The following RPP30 variants were observed in gnomAD, a reference collection of about 807,000 sequenced individuals.
RPP30 encodes the protein ribonuclease P protein subunit p30.
Under a neutral mutation model 38.6 loss-of-function variants are expected in RPP30, and 36 were observed. The observed-to-expected ratio is 0.93, with a 90% CI of 0.71 to 1.23. The LOEUF is 1.23. Among genes scored for constraint, RPP30 ranks in the 50% most tolerant of loss-of-function variants. RPP30 has a pLI of 0.00. For synonymous variants in RPP30, 126 were observed against 112.7 expected (o/e 1.12, Z -0.75); for missense variants, 321 against 321.7 (o/e 1.00, Z 0.02).
At chr10:90,878,861 A>G (rs1013208223) in intron 4 of RPP30, among the ~76,000 whole-genome samples, 1 of 152,234 alleles carries the variant, frequency 6.6e-6, no homozygotes, top group African/African-American at 2.4e-5. Context: ...GTAGGAAGGA[A>G]GGAGAATGAT....
At chr10:90,905,807 G>A (rs1487428538), downstream of RPP30, 1 of 152,190 alleles carries the variant, frequency 6.6e-6, no homozygotes, top group African/African-American at 2.4e-5. Context: ...TTATACTTTT[G>A]ATGTCAATTT....
At chr10:90,894,204 G>C (rs749970890) in intron 6 of RPP30, among the ~76,000 whole-genome samples, 45 of 152,200 alleles carry the variant, frequency 3.0e-4, no homozygotes, top group Non-Finnish European at 6.2e-4. Flanking sequence ...AGGTATTGTA[G>C]TAAGGATTAA....
intron 6 of RPP30, among the ~76,000 whole-genome samples, chr10:90,886,680 CA>C (rs1847004189): frequency 6.6e-6 from 1 of 152,164 alleles, no homozygotes; most frequent in African/African-American, 2.4e-5. Context: ...TAGTGGCTTC[CA>C]AAACCCTAGT....
downstream of RPP30, among the ~76,000 whole-genome samples, chr10:90,902,640 A>AT (rs1847216925): frequency 6.6e-6 from 1 of 152,222 alleles, no homozygotes; most frequent in African/African-American, 2.4e-5. Context: ...TCCACTCCTG[A>AT]TTTTTAAAAT....
intron 10 of RPP30, among the ~76,000 whole-genome samples, chr10:90,897,896 G>A (rs1221896546): frequency 6.6e-6 from 1 of 152,072 alleles, no homozygotes; most frequent in African/African-American, 2.4e-5. Context: ...GGAAAATGGG[G>A]TGTCCATCCC....
chr10:90,873,912 T>TA (rs2120178414), intron 1 of RPP30, among the ~76,000 whole-genome samples: 1 of 152,246 alleles, frequency 6.6e-6, no homozygotes, highest in East Asian at 1.9e-4. Context: ...TCCTTACTTA[T>TA]AAAAAACATG....
Position 90,900,593 on chromosome 10 carries a change from A to G in RPP30, c.721A>G (p.Ile241Val), listed in dbSNP as rs1847188486. ...HGETRKTAFG[I>V]ISTVKKPRPS... Reference sequence around the variant, plus strand: ...AGAAACTAGAAAAACTGCTTTTGGAATTATCTCTACAGTGAAGAAACCTCG... The same window carrying G: ...AGAAACTAGAAAAACTGCTTTTGGAGTTATCTCTACAGTGAAGAAACCTCG... The change falls in exon 11 of 11, where the codon ATT becomes GTT. Residue 241 changes from isoleucine (I) to valine (V), a missense_variant. By Grantham distance (29) the Ile-to-Val change is conservative. Transcript: ENST00000371703. The G allele has an allele frequency of 6.2e-7, 1 of 1,611,704 alleles. No individual in the cohort carries two copies. Among genetic ancestry groups the G allele is most frequent in the Non-Finnish European group, 8.5e-7 (1 of 1,179,274 alleles).
chr10:90,875,506 C>G, intron 2 of RPP30, 52 bp from the exon 3 acceptor site: 1 of 1,405,690 alleles, frequency 7.1e-7, no homozygotes, highest in African/African-American at 1.4e-5. Flanking sequence ...TCCATTATGC[C>G]TTGTGCTATT....
At chr10:90,893,402 C>T (rs1285972513) in intron 6 of RPP30, among the ~76,000 whole-genome samples, 1 of 152,150 alleles carries the variant, frequency 6.6e-6, no homozygotes, top group Non-Finnish European at 1.5e-5. Context: ...AGACTTGGAC[C>T]ATACTGCCTA....
intron 5 of RPP30, among the ~76,000 whole-genome samples, 171 bp from the exon 6 acceptor site, chr10:90,885,641 C>G (rs1172769804): frequency 1.3e-5 from 2 of 152,066 alleles, no homozygotes; most frequent in South Asian, 4.1e-4. Context: ...TAAACCAAAC[C>G]TAAAAGAGTA....
At chr10:90,878,982 TAA>T (rs766093849) in intron 4 of RPP30, 79 bp from the exon 5 acceptor site, 42 of 1,150,862 alleles carry the variant, frequency 3.6e-5, no homozygotes, top group Admixed American at 1.3e-4. Context: ...GATTGAAATA[TAA>T]GTGTGAGTCA....
chr10:90,872,003 A>G lies in RPP30; in HGVS notation c.17A>G (p.Asp6Gly). 6.2e-7 allele frequency: 1 copy of G among 1,613,996 alleles called. No individual in the cohort carries two copies. Among genetic ancestry groups the G allele is most frequent in the Middle Eastern group, 1.6e-4 (1 of 6,062 alleles). ...GACTTCAGCATGGCGGTGTTTGCAG[A>G]TTTGGACCTGCGAGCGGGTTCTGAC... MAVFA[D>G]LDLRAGSDLK... Residue 6 changes from aspartate (D) to glycine (G), a missense_variant, in exon 1 of 11, where the codon GAT (aspartate) becomes GGT (glycine). Coordinates refer to ENST00000371703, the MANE Select transcript of RPP30 (RefSeq NM_006413.5).
downstream of RPP30, among the ~76,000 whole-genome samples, chr10:90,907,313 C>T (rs1344852299): frequency 6.6e-6 from 1 of 152,162 alleles, no homozygotes; most frequent in African/African-American, 2.4e-5. Flanking sequence ...AAACTTAAGC[C>T]AGGACCCCTG....
At chr10:90,884,615 G>A (rs12766523) in intron 5 of RPP30, among the ~76,000 whole-genome samples, 31,592 of 152,088 alleles carry the variant, frequency 0.21, 4,125 homozygotes, top group African/African-American at 0.36. Flanking sequence ...TTGCTTCCCA[G>A]GCTTACTAAG....
At chr10:90,888,010 C>T (rs1479290497) in intron 6 of RPP30, among the ~76,000 whole-genome samples, 2 of 152,276 alleles carry the variant, frequency 1.3e-5, no homozygotes, top group Non-Finnish European at 2.9e-5. Flanking sequence ...TTATGGCAGT[C>T]TTGTTGGCCT....
chr10:90,884,013 T>G (rs1846966369), intron 5 of RPP30, among the ~76,000 whole-genome samples: 1 of 152,176 alleles, frequency 6.6e-6, no homozygotes, highest in African/African-American at 2.4e-5. Flanking sequence ...TTACAGTTTC[T>G]TAGAGGTTGT....
chr10:90,891,265 C>T (rs1847078588), intron 6 of RPP30, among the ~76,000 whole-genome samples: 1 of 152,086 alleles, frequency 6.6e-6, no homozygotes, highest in Admixed American at 6.6e-5. Flanking sequence ...TTTGGTAATC[C>T]TGGGCTTGCA....
At chr10:90,896,496 A>T (rs1847140546) in intron 10 of RPP30, 104 bp downstream of exon 10, 1 of 851,960 alleles carries the variant, frequency 1.2e-6, no homozygotes, top group African/African-American at 1.7e-5. Flanking sequence ...TTCCTTTGGG[A>T]TCATCTTTTC....
chr10:90,881,034 G>A (rs1846921631), intron 5 of RPP30, among the ~76,000 whole-genome samples: 1 of 152,168 alleles, frequency 6.6e-6, no homozygotes, highest in Non-Finnish European at 1.5e-5. Context: ...TTAAATAATA[G>A]CAACTCAGTT....
Sources: gnomAD v4.1 joint callset for allele counts (sites outside exome capture counted in the v4.1 genomes callset) on GRCh38, gnomAD v4.1.1 for gene constraint, MANE v1.5 for transcripts, NCBI Gene and HGNC (gene_info 2026-07-23, HGNC 2026-07-21) for gene names.